CTNNA2: variants seen among roughly 807,000 people sequenced by gnomAD.
CTNNA2 encodes the protein catenin alpha-2.
In CTNNA2, 42 loss-of-function variants were observed where a neutral mutation model predicts 101.0. The observed-to-expected ratio is 0.42, with a 90% CI of 0.32 to 0.54. The LOEUF (loss-of-function observed/expected upper bound fraction) is 0.54, where lower values mean the gene tolerates loss of function less well. CTNNA2 is among the 20% of genes least tolerant of loss of function. The pLI, the probability that CTNNA2 is intolerant of heterozygous loss-of-function variation, is 0.14. For missense variants in CTNNA2, 871 were observed against 1,223.1 expected, an observed-to-expected ratio of 0.71 and a Z score of 4.29; for synonymous variants, 450 against 456.4, an observed-to-expected ratio of 0.99 and a Z score of 0.18.
chr2:79,295,067 A>C (rs561339163), intron 2 of CTNNA2, among the ~76,000 whole-genome samples: 2 of 152,020 alleles, frequency 1.3e-5, no homozygotes, highest in East Asian at 3.9e-4. Flanking sequence ...GTTTCATGCA[A>C]ATTGCTACAT....
intron 7 of CTNNA2, among the ~76,000 whole-genome samples, chr2:80,346,125 C>T (rs1163445346): frequency 3.3e-5 from 5 of 152,250 alleles, no homozygotes; most frequent in South Asian, 2.1e-4. Flanking sequence ...GACTTAATTT[C>T]GCTAGCATAA....
intron 2 of CTNNA2, among the ~76,000 whole-genome samples, chr2:79,670,942 C>T (rs1194529426): frequency 2.0e-5 from 3 of 152,062 alleles, no homozygotes; most frequent in East Asian, 3.9e-4. Flanking sequence ...AGTCATGGAC[C>T]GATATTTTAA....
intron 18 of CTNNA2, among the ~76,000 whole-genome samples, chr2:80,646,007 A>C (rs1263398300): frequency 2.0e-5 from 3 of 152,172 alleles, no homozygotes; most frequent in Non-Finnish European, 4.4e-5. Context: ...AATTTAGCTT[A>C]AATAAGGGAT....
chr2:80,587,076 A>G (rs1218293284), intron 14 of CTNNA2, among the ~76,000 whole-genome samples: 1 of 152,104 alleles, frequency 6.6e-6, no homozygotes, highest in Admixed American at 6.5e-5. Flanking sequence ...AGTTGTGTAG[A>G]GTGGTTAAGA....
At chr2:79,345,406 A>G (rs1677239971) in intron 3 of CTNNA2, among the ~76,000 whole-genome samples, 2 of 152,144 alleles carry the variant, frequency 1.3e-5, no homozygotes, top group Admixed American at 1.3e-4. Flanking sequence ...CTTCCATTTC[A>G]TAATGTATAA....
intron 6 of CTNNA2, among the ~76,000 whole-genome samples, chr2:79,899,724 A>C (rs1172282108): frequency 6.6e-6 from 1 of 152,254 alleles, no homozygotes; most frequent in Admixed American, 6.5e-5. Flanking sequence ...ATTTTTAACT[A>C]TATGCCTGCG....
intron 7 of CTNNA2, among the ~76,000 whole-genome samples, chr2:80,097,529 T>C (rs1439080540): frequency 1.3e-5 from 2 of 152,178 alleles, no homozygotes; most frequent in Admixed American, 6.5e-5. Flanking sequence ...GTTCTCTGTA[T>C]TTCCTGAATT....
chr2:79,946,986 T>C (rs1336364678), intron 7 of CTNNA2, among the ~76,000 whole-genome samples: 2 of 152,196 alleles, frequency 1.3e-5, no homozygotes, highest in Non-Finnish European at 1.5e-5. Flanking sequence ...GTGAAAATAA[T>C]CAAATATCCA....
chr2:80,610,818 G>A (rs986328402), intron 17 of CTNNA2, among the ~76,000 whole-genome samples: 3 of 151,662 alleles, frequency 2.0e-5, no homozygotes, highest in African/African-American at 7.3e-5. Context: ...CTTGTCTTGT[G>A]TCTGCTTTTG....
chr2:79,772,261 T>C (rs767553860), intron 3 of CTNNA2, among the ~76,000 whole-genome samples: 1 of 152,114 alleles, frequency 6.6e-6, no homozygotes, highest in Non-Finnish European at 1.5e-5. Flanking sequence ...AAAAAAATTG[T>C]CTTCAACACG....
chr2:79,242,007 G>A (rs567607663), intron 2 of CTNNA2, among the ~76,000 whole-genome samples: 22 of 151,506 alleles, frequency 1.5e-4, no homozygotes, highest in Admixed American at 1.4e-3. Context: ...CTGGGTTCAC[G>A]CCATTCTCCT....
chr2:80,365,072 A>G (rs967390009), intron 7 of CTNNA2, among the ~76,000 whole-genome samples: 9 of 152,136 alleles, frequency 5.9e-5, no homozygotes, highest in Non-Finnish European at 1.2e-4. Flanking sequence ...ACATACCTGC[A>G]TACCTGGCCT....
chr2:79,617,067 A>G (rs988723919), intron 1 of CTNNA2, among the ~76,000 whole-genome samples: 1 of 151,578 alleles, frequency 6.6e-6, no homozygotes, highest in Non-Finnish European at 1.5e-5. Flanking sequence ...ATACCCGGCT[A>G]ATTTTTTTGT....
chr2:80,624,969 C>A (rs1573493036), intron 18 of CTNNA2, among the ~76,000 whole-genome samples: 1 of 151,952 alleles, frequency 6.6e-6, no homozygotes, highest in Admixed American at 6.6e-5. Context: ...GCAAATACAA[C>A]CTTGGGTGGT....
chr2:80,023,955 T>C lies in CTNNA2; in HGVS notation c.1056+114158T>C, dbSNP rs867296809. ...ACAAAAAATTAGCCGGGCGTGGTGG[T>C]GGGCGCCTGTAGTCCCAGCTACTCA... is the stretch of plus-strand genomic sequence containing the variant. On this transcript the variant is annotated intron_variant, in intron 7 of 18. Transcript: ENST00000402739. Among the ~76,000 whole-genome samples, 58 of 151,452 alleles carry C rather than the reference T, an allele frequency of 3.8e-4. 1 individual carries two copies. The highest frequency in any genetic ancestry group is 8.7e-4 in the African/African-American group (36 of 41,228).
intron 2 of CTNNA2, among the ~76,000 whole-genome samples, chr2:79,204,499 T>A (rs1674077257): frequency 6.6e-6 from 1 of 152,226 alleles, no homozygotes. Flanking sequence ...TATAAGACTC[T>A]GTAAAATCTC....
At chr2:79,725,721 A>G (rs1035264067) in intron 2 of CTNNA2, among the ~76,000 whole-genome samples, 3 of 152,166 alleles carry the variant, frequency 2.0e-5, no homozygotes, top group African/African-American at 7.2e-5. Context: ...TTGTCAGTGC[A>G]TGCACCTTAA....
intron 9 of CTNNA2, among the ~76,000 whole-genome samples, chr2:80,434,611 G>A (rs1392432204): frequency 1.3e-5 from 2 of 151,212 alleles, no homozygotes; most frequent in African/African-American, 4.9e-5. Flanking sequence ...TCCCTTCTGG[G>A]TAGCTGGGAC....
intron 7 of CTNNA2, among the ~76,000 whole-genome samples, chr2:80,076,944 G>T (rs1436455877): frequency 3.3e-5 from 5 of 152,092 alleles, no homozygotes; most frequent in African/African-American, 1.2e-4. Context: ...TACTTGGGAG[G>T]CTGAGGTAGG....
Sources: gnomAD v4.1 joint callset for allele counts (sites outside exome capture counted in the v4.1 genomes callset) on GRCh38, gnomAD v4.1.1 for gene constraint, MANE v1.5 for transcripts, NCBI Gene and HGNC (gene_info 2026-07-23, HGNC 2026-07-21) for gene names.